NRP2: variants seen among roughly 807,000 people sequenced by gnomAD.
NRP2 encodes neuropilin-2.
Under a neutral mutation model 110.4 loss-of-function variants are expected in NRP2, and 52 were observed. That is an observed-to-expected ratio of 0.47 (90% CI 0.38 to 0.59). The LOEUF (loss-of-function observed/expected upper bound fraction) is 0.59, where lower values mean the gene tolerates loss of function less well. Among genes scored for constraint, NRP2 ranks in the 20% least tolerant of loss-of-function variants. NRP2 has a pLI of 0.00. For synonymous variants in NRP2, 508 were observed against 468.9 expected, an observed-to-expected ratio of 1.08 and a Z score of -1.08; for missense variants, 1,049 against 1,203.0, an observed-to-expected ratio of 0.87 and a Z score of 1.89.
chr2:205,777,123 G>A, intron 15 of NRP2: 1 of 987,026 alleles, frequency 1.0e-6, no homozygotes, highest in South Asian at 4.7e-5. Flanking sequence ...TGTTTACTTG[G>A]AGAAGAGATT....
At chr2:205,723,737 G>A (rs2057067419) in intron 4 of NRP2, 48 bp from the exon 5 acceptor site, 1 of 1,607,044 alleles carries the variant, frequency 6.2e-7, no homozygotes, top group African/African-American at 1.3e-5. Flanking sequence ...TGAAAACCAA[G>A]TTTGACATTT....
chr2:205,755,642 G>A (rs2057721533), intron 12 of NRP2, among the ~76,000 whole-genome samples: 1 of 152,062 alleles, frequency 6.6e-6, no homozygotes, highest in Non-Finnish European at 1.5e-5. Flanking sequence ...GGCCCTGAGG[G>A]GATTGGGGAG....
chr2:205,783,853 T>C (rs2058205224), intron 15 of NRP2, among the ~76,000 whole-genome samples: 6 of 152,216 alleles, frequency 3.9e-5, no homozygotes, highest in Admixed American at 3.9e-4. Context: ...TAATGGAGTG[T>C]GTGTGGCTAT....
intron 7 of NRP2, among the ~76,000 whole-genome samples, chr2:205,731,956 T>A (rs562728373): frequency 6.6e-6 from 1 of 152,334 alleles, no homozygotes; most frequent in Non-Finnish European, 1.5e-5. Flanking sequence ...TCTTAGAGAT[T>A]AAGTGCCTTG....
At chr2:205,715,428 A>G (rs849543) in intron 2 of NRP2, among the ~76,000 whole-genome samples, 85,728 of 152,046 alleles carry the variant, frequency 0.56, 25,953 homozygotes, top group East Asian at 0.82. Context: ...GCACGTAGAC[A>G]GTGGGCCCCT....
intron 1 of NRP2, among the ~76,000 whole-genome samples, chr2:205,688,861 C>CA (rs3832135): frequency 0.66 from 100,457 of 151,542 alleles, 34,465 homozygotes; most frequent in East Asian, 0.91. Flanking sequence ...CAAAACAAAA[C>CA]AAAAAAAACA....
chr2:205,782,827 C>T (rs188200765), intron 15 of NRP2, among the ~76,000 whole-genome samples: 199 of 151,108 alleles, frequency 1.3e-3, no homozygotes, highest in Non-Finnish European at 2.4e-3. Context: ...AACTGCTCCC[C>T]TGTTGATGAG....
intron 15 of NRP2, among the ~76,000 whole-genome samples, chr2:205,788,156 C>T (rs1049203213): frequency 8.5e-5 from 13 of 152,058 alleles, no homozygotes; most frequent in African/African-American, 2.9e-4. Context: ...CATGCCTCAC[C>T]GTGTACCTAC....
chr2:205,697,741 A>G lies in NRP2; in HGVS notation c.251+20A>G. The G allele has an allele frequency of 6.2e-7, 1 of 1,612,868 alleles. No individual in the cohort carries two copies. Among genetic ancestry groups the G allele is most frequent in the Admixed American group, 1.7e-5 (1 of 60,010 alleles). On this transcript the variant is annotated intron_variant, in intron 2 of 16. Transcript: ENST00000357785. Reference sequence around the variant, plus strand: ...CTGCAAGTAAGCACCGTCCTGTCCCACTGTGTATCCCATCCATGAGATGCA... The same window carrying G: ...CTGCAAGTAAGCACCGTCCTGTCCCGCTGTGTATCCCATCCATGAGATGCA...
At chr2:205,786,756 G>A (rs1277039900) in intron 15 of NRP2, among the ~76,000 whole-genome samples, 7 of 152,176 alleles carry the variant, frequency 4.6e-5, no homozygotes, top group African/African-American at 1.7e-4. Flanking sequence ...TAAAACTATA[G>A]GCACAATTTA....
At chr2:205,740,005 T>TA in intron 7 of NRP2, 1 of 251,158 alleles carries the variant, frequency 4.0e-6, no homozygotes, top group East Asian at 1.0e-4. Flanking sequence ...AGGGTGCCCC[T>TA]CATCATCTTG....
chr2:205,689,914 TTAA>T (rs1305207236), intron 1 of NRP2, among the ~76,000 whole-genome samples: 2 of 152,214 alleles, frequency 1.3e-5, no homozygotes, highest in African/African-American at 4.8e-5. Flanking sequence ...AGCAAGGGTC[TTAA>T]TAATCCCATT....
chr2:205,758,852 G>T (rs955823418), intron 12 of NRP2, among the ~76,000 whole-genome samples: 4 of 152,158 alleles, frequency 2.6e-5, no homozygotes, highest in Non-Finnish European at 5.9e-5. Context: ...CAGTTGTCAC[G>T]TTCAGGCGAC....
At chr2:205,732,122 A>C (rs879057574) in intron 7 of NRP2, among the ~76,000 whole-genome samples, 1 of 152,172 alleles carries the variant, frequency 6.6e-6, no homozygotes, top group Admixed American at 6.5e-5. Context: ...TGAGAGGTAC[A>C]CATTTTCCTG....
At chr2:205,739,285 C>T (rs2105862202) in intron 7 of NRP2, among the ~76,000 whole-genome samples, 1 of 152,334 alleles carries the variant, frequency 6.6e-6, no homozygotes, top group South Asian at 2.1e-4. Context: ...TCCAGACAGG[C>T]ATCTCTGAGC....
At position 205,743,466 on chromosome 2, in the gene NRP2, G is replaced by A. The variant is rs750676995; in HGVS notation, c.1555G>A (p.Ala519Thr). The A allele has an allele frequency of 1.2e-6, 2 of 1,614,236 alleles. No homozygotes were observed. Among genetic ancestry groups the A allele is most frequent in the East Asian group, 2.2e-5 (1 of 44,872 alleles). ...GDSITAVEAR[A>T]FVRKFKVSYS... ...CAGTATCACTGCTGTGGAAGCCAGA[G>A]CATTTGTGCGCAAGTTCAAAGTCTC... The change falls in exon 9 of 17, where the codon GCA becomes ACA. Residue 519 changes from alanine (A) to threonine (T), a missense_variant. Physicochemically the swap from Ala to Thr is moderately conservative, Grantham distance 58. Coordinates refer to ENST00000357785, the MANE Select transcript of NRP2 (RefSeq NM_003872.3).
At chr2:205,782,858 T>G (rs2058192299) in intron 15 of NRP2, among the ~76,000 whole-genome samples, 4 of 150,402 alleles carry the variant, frequency 2.7e-5, no homozygotes, top group Non-Finnish European at 4.4e-5. Flanking sequence ...GTGTCTAGTT[T>G]TTTTTTTTTT....
chr2:205,771,522 G>A (rs1329285900), intron 15 of NRP2, among the ~76,000 whole-genome samples: 1 of 152,200 alleles, frequency 6.6e-6, no homozygotes, highest in Non-Finnish European at 1.5e-5. Context: ...GAGAAAGAGA[G>A]AAGGCTTACC....
At chr2:205,753,096 C>A in intron 12 of NRP2, 121 bp downstream of exon 12, 1 of 1,324,606 alleles carries the variant, frequency 7.5e-7, no homozygotes, top group Non-Finnish European at 1.1e-6. Context: ...CTATTCTTTG[C>A]CCACAAACCA....
Sources: gnomAD v4.1 joint callset for allele counts (sites outside exome capture counted in the v4.1 genomes callset) on GRCh38, gnomAD v4.1.1 for gene constraint, MANE v1.5 for transcripts, NCBI Gene and HGNC (gene_info 2026-07-23, HGNC 2026-07-21) for gene names.